The following PGPEP1L variants were observed in gnomAD, a reference collection of about 807,000 sequenced individuals.
The protein encoded by PGPEP1L is pyroglutamyl-peptidase 1-like protein.
In PGPEP1L, 7 loss-of-function variants were observed where a neutral mutation model predicts 6.0. The ratio of observed to expected loss-of-function variants is 1.17; its 90% CI spans 0.66 to 2.19. The LOEUF (loss-of-function observed/expected upper bound fraction) is 2.19, where lower values mean the gene tolerates loss of function less well. Among genes scored for constraint, PGPEP1L ranks in the 30% most tolerant of loss-of-function variants. The pLI is 0.00. For synonymous variants in PGPEP1L, 103 were observed against 83.9 expected, an observed-to-expected ratio of 1.23 and a Z score of -1.24; for missense variants, 209 against 192.5, an observed-to-expected ratio of 1.09 and a Z score of -0.51.
At chr15:99,004,727 TAATAAA>T (rs1312148754) in intron 2 of PGPEP1L, among the ~76,000 whole-genome samples, 24 of 151,916 alleles carry the variant, frequency 1.6e-4, no homozygotes, top group South Asian at 2.1e-4. Flanking sequence ...AAAAAAAAAT[TAATAAA>T]AATAAAGACC....
chr15:98,979,900 G>A (rs575405833), intron 2 of PGPEP1L, among the ~76,000 whole-genome samples: 3 of 152,028 alleles, frequency 2.0e-5, no homozygotes, highest in East Asian at 3.9e-4. Context: ...TGCCTGCCTC[G>A]GAGACTATTA....
intron 2 of PGPEP1L, among the ~76,000 whole-genome samples, chr15:98,990,267 A>C (rs533204135): frequency 8.6e-5 from 13 of 151,992 alleles, no homozygotes; most frequent in African/African-American, 2.7e-4. Flanking sequence ...ATGGAGGAAT[A>C]TTTACCAACC....
chr15:98,992,742 AAC>A (rs1385260083), intron 2 of PGPEP1L, among the ~76,000 whole-genome samples: 1 of 152,222 alleles, frequency 6.6e-6, no homozygotes, highest in African/African-American at 2.4e-5. Context: ...CTAGTACCAA[AAC>A]AGATATATAA....
intron 2 of PGPEP1L, among the ~76,000 whole-genome samples, chr15:98,986,890 T>C (rs2151761275): frequency 6.6e-6 from 1 of 152,120 alleles, no homozygotes; most frequent in South Asian, 2.1e-4. Context: ...TAATTTAGGC[T>C]GGGCATGGTG....
chr15:98,969,581 C>T lies in PGPEP1L; in HGVS notation c.53G>A (p.Gly18Asp), dbSNP rs779841764. 2.5e-6 allele frequency: 4 copies of T among 1,613,826 alleles called. No individual in the cohort carries two copies. In the Admixed American group the frequency reaches 6.7e-5, roughly 27 times the overall value. ...IILEQSGKNQ[G>D]YRDADIRSFW... Reference sequence around the variant, plus strand: ...GCTGCGGATGTCGGCGTCCCGGTAGCCTTGGTTCTTGCCAGACTGTTCCAG... The same window carrying T: ...GCTGCGGATGTCGGCGTCCCGGTAGTCTTGGTTCTTGCCAGACTGTTCCAG... Residue 18 changes from glycine (G) to aspartate (D), a missense_variant, in exon 4 of 5, where the codon GGC (glycine) becomes GAC (aspartate). Transcript: ENST00000535714.
At chr15:99,000,646 G>A (rs1029767065) in intron 2 of PGPEP1L, among the ~76,000 whole-genome samples, 3 of 152,168 alleles carry the variant, frequency 2.0e-5, no homozygotes, top group African/African-American at 7.2e-5. Flanking sequence ...GGGACTTGGA[G>A]AACCTTTGTA....
At chr15:98,997,845 C>G (rs2017909435) in intron 2 of PGPEP1L, among the ~76,000 whole-genome samples, 1 of 152,124 alleles carries the variant, frequency 6.6e-6, no homozygotes, top group Admixed American at 6.5e-5. Context: ...GGCCAGCGAA[C>G]CTGCTCTGAG....
At chr15:98,992,528 T>C (rs548767872) in intron 2 of PGPEP1L, among the ~76,000 whole-genome samples, 1 of 152,290 alleles carries the variant, frequency 6.6e-6, no homozygotes, top group Admixed American at 6.5e-5. Context: ...CTGCCCAAAG[T>C]AATTTATACA....
intron 2 of PGPEP1L, among the ~76,000 whole-genome samples, chr15:98,992,229 G>T (rs956228549): frequency 1.8e-4 from 28 of 152,194 alleles, no homozygotes; most frequent in Non-Finnish European, 3.5e-4. Context: ...TCTCCTTAAG[G>T]TGATAAGCAA....
At chr15:99,005,352 G>A (rs1166555586) in intron 2 of PGPEP1L, 77 bp downstream of exon 2, 3 of 152,490 alleles carry the variant, frequency 2.0e-5, no homozygotes, top group Non-Finnish European at 4.4e-5. Context: ...TTAAGACCCA[G>A]GATCAGGCCA....
Position 98,968,467 on chromosome 15 carries a change from C to T in PGPEP1L, c.*11G>A, listed in dbSNP as rs764923961. 1 of 1,609,668 alleles carries T rather than the reference C, an allele frequency of 6.2e-7. No individual in the cohort carries two copies. Among genetic ancestry groups the T allele is most frequent in the Non-Finnish European group, 8.5e-7 (1 of 1,177,658 alleles). ...AAACATTCAATTTTCTCTAGAGGAG[C>T]AATCCCCCGGTCAGTTCCCTTTGGC... is the stretch of plus-strand genomic sequence containing the variant. On this transcript the variant is annotated 3_prime_UTR_variant, in exon 5 of 5. Transcript: ENST00000535714.
At position 98,968,303 on chromosome 15, in the gene PGPEP1L, CAG is replaced by C; in HGVS notation, c.*173_*174del. The C allele has an allele frequency of 1.6e-6, 1 of 643,650 alleles. No individual in the cohort carries two copies. Among genetic ancestry groups the C allele is most frequent in the Non-Finnish European group, 2.7e-6 (1 of 372,718 alleles). The allele number at this position is 643,650 out of a possible 1,614,324, so 39.9% of individuals were successfully genotyped here. A position where few individuals can be genotyped will look rare whatever the true frequency, so the allele number is the denominator to read the frequency against. ...CATCCCCTGTGAAATGTCCACCTTT[CAG>C]AGTGTTCTTTCTCCTGACAATAAAA... is the stretch of plus-strand genomic sequence containing the variant. On this transcript the variant is annotated 3_prime_UTR_variant, in exon 5 of 5. Coordinates refer to ENST00000535714, the MANE Select transcript of PGPEP1L (RefSeq NM_001167902.2).
chr15:98,973,730 A>AT (rs2017529707), intron 2 of PGPEP1L, among the ~76,000 whole-genome samples: 2 of 152,350 alleles, frequency 1.3e-5, no homozygotes, highest in Non-Finnish European at 2.9e-5. Flanking sequence ...AGATTATAGC[A>AT]ATAAATGCTT....
chr15:98,973,564 A>G (rs1447782184), intron 2 of PGPEP1L, among the ~76,000 whole-genome samples: 1 of 152,236 alleles, frequency 6.6e-6, no homozygotes, highest in Non-Finnish European at 1.5e-5. Flanking sequence ...GAATGTTGGA[A>G]ACTGCACAAA....
rs1042572440 is a variant in PGPEP1L at position 99,000,054 on chromosome 15, G to A, written c.-142+5375C>T. Among the ~76,000 whole-genome samples the A allele has an allele frequency of 2.0e-5, 3 of 152,258 alleles. No individual in the cohort carries two copies. The East Asian group carries it at 5.8e-4, about 29-fold the overall frequency. On this transcript the variant is annotated intron_variant, in intron 2 of 4. Coordinates refer to ENST00000535714, the MANE Select transcript of PGPEP1L (RefSeq NM_001167902.2). ...GCTTGCAGGGAGGCGTGGAGGGAGA[G>A]GCGCGGGCGGGAACCGGGGCTGCGT...
At position 99,001,176 on chromosome 15, in the gene PGPEP1L, G is replaced by A. The variant is rs112985118; in HGVS notation, c.-142+4253C>T. 4.6e-3 allele frequency: 2,053 copies of A among 443,576 alleles called. 37 individuals are homozygous for A. Among genetic ancestry groups the A allele is most frequent in the African/African-American group, 0.038 (1,871 of 49,254 alleles). The allele number at this position is 443,576 out of a possible 1,614,324, so 27.5% of individuals were successfully genotyped here. ...TCTGGACACGCCGCCTTTAAGAACTGTAACACTCACCACGAGAGTCCGCGG... is the reference window on the plus strand; with the variant it reads ...TCTGGACACGCCGCCTTTAAGAACTATAACACTCACCACGAGAGTCCGCGG... On this transcript the variant is annotated intron_variant, in intron 2 of 4. Transcript: ENST00000535714.
At chr15:98,994,440 G>A (rs1190394382) in intron 2 of PGPEP1L, among the ~76,000 whole-genome samples, 2 of 151,892 alleles carry the variant, frequency 1.3e-5, no homozygotes, top group Non-Finnish European at 2.9e-5. Context: ...GATTGCTTGA[G>A]TCCAGGAGTT....
chr15:98,996,011 A>G (rs1187976100), intron 2 of PGPEP1L, among the ~76,000 whole-genome samples: 1 of 151,928 alleles, frequency 6.6e-6, no homozygotes, highest in African/African-American at 2.4e-5. Context: ...CACCTCAACA[A>G]CTGTTTTAAA....
Position 98,969,542 on chromosome 15 carries a change from C to T in PGPEP1L, c.92G>A (p.Gly31Asp). ...TGGGCTGCCAGGTAGGCACACGCCG[C>T]CCTCGGGCCAGAAGCTGCGGATGTC... ...DADIRSFWPE[G>D]GVCLPGSPDV... The change falls in exon 4 of 5, where the codon GGC (glycine) becomes GAC (aspartate). Residue 31 changes from glycine to aspartate, a missense_variant. Physicochemically the swap from Gly to Asp is moderately conservative, Grantham distance 94 (BLOSUM62 -1). Coordinates refer to ENST00000535714, the MANE Select transcript of PGPEP1L (RefSeq NM_001167902.2). 1 of 1,614,034 alleles carries T rather than the reference C, an allele frequency of 6.2e-7. No homozygotes were observed. The highest frequency in any genetic ancestry group is 8.5e-7 in the Non-Finnish European group (1 of 1,179,916).
Sources: gnomAD v4.1 joint callset for allele counts (sites outside exome capture counted in the v4.1 genomes callset) on GRCh38, gnomAD v4.1.1 for gene constraint, MANE v1.5 for transcripts, NCBI Gene and HGNC (gene_info 2026-07-23, HGNC 2026-07-21) for gene names.